The following ICA1L variants were observed in gnomAD, a reference collection of about 807,000 sequenced individuals.
ICA1L encodes islet cell autoantigen 1 like, also known as islet cell autoantigen 1-like protein.
In ICA1L, 50 loss-of-function variants were observed where a neutral mutation model predicts 61.3. That is an observed-to-expected ratio of 0.82 (90% CI 0.65 to 1.03). The LOEUF (loss-of-function observed/expected upper bound fraction) is 1.03. Ranked by LOEUF, ICA1L falls within the 50% of genes least tolerant of loss-of-function variation. ICA1L has a pLI of 0.00. For missense variants in ICA1L, 508 were observed against 556.7 expected (o/e 0.91, Z 0.88); for synonymous variants, 161 against 191.3 (o/e 0.84, Z 1.31).
rs57535958 is a variant in ICA1L, at chr2:202,839,558, C to CTGTGTGTG, written c.-7-10550_-7-10543dup. On this transcript the variant is annotated intron_variant, in intron 1 of 12. Coordinates refer to ENST00000358299, the MANE Select transcript of ICA1L (RefSeq NM_001288622.3). ...TCTTCCAGGCAGCATACAGTTAAGT[C>CTGTGTGTG]TGTGTGTGTGTGTGTGTGTGTGTGT... is the stretch of plus-strand genomic sequence containing the variant. 9.6e-3 allele frequency among the ~76,000 whole-genome samples: 1,101 copies of CTGTGTGTG among 114,386 alleles called. 14 individuals carry two copies. The highest frequency in any genetic ancestry group is 0.029 in the African/African-American group (754 of 26,268). 75.0% of individuals were successfully genotyped at this position (114,386 alleles called of 152,430 possible). A position where few individuals can be genotyped will look rare whatever the true frequency, so the allele number is the denominator to read the frequency against.
In ICA1L at chr2:202,779,325, C is replaced by T; in HGVS notation, c.*208G>A. Reference sequence around the variant, plus strand: ...ACATAGAAGTTTCTAATATTTTCCACATAGTACCAACAGCTGCAAATCCAA... The same window carrying T: ...ACATAGAAGTTTCTAATATTTTCCATATAGTACCAACAGCTGCAAATCCAA... On this transcript the variant is annotated 3_prime_UTR_variant, in exon 13 of 13. Coordinates refer to ENST00000358299, the MANE Select transcript of ICA1L (RefSeq NM_001288622.3). 2.4e-6 allele frequency: 1 copy of T among 417,760 alleles called. No homozygotes were observed. The highest frequency in any genetic ancestry group is 9.1e-5 in the South Asian group (1 of 11,002). 25.9% of individuals were successfully genotyped at this position (417,760 alleles called of 1,614,324 possible).
In ICA1L at chr2:202,788,814, T is replaced by C; in HGVS notation, c.1243+16A>G. The C allele has an allele frequency of 6.2e-7, 1 of 1,613,470 alleles. No individual in the cohort carries two copies. Among genetic ancestry groups the C allele is most frequent in the Non-Finnish European group, 8.5e-7 (1 of 1,179,760 alleles). On this transcript the variant is annotated intron_variant, in intron 11 of 12. Transcript: ENST00000358299. ...AAAGTAAAGCACATATGTCCAAATG[T>C]TTCATAGACACTTACTGTTGAACGC...
intron 8 of ICA1L, 30 bp downstream of exon 8, chr2:202,814,672 A>G (rs565010400): frequency 6.1e-6 from 9 of 1,472,132 alleles, no homozygotes; most frequent in African/African-American, 5.6e-5. Context: ...GACTTCTATA[A>G]CATGACACAG....
intron 1 of ICA1L, among the ~76,000 whole-genome samples, chr2:202,848,235 T>C (rs1345876523): frequency 6.6e-6 from 1 of 152,174 alleles, no homozygotes; most frequent in East Asian, 1.9e-4. Flanking sequence ...AGTGCTAGGA[T>C]TACAGGCGTG....
intron 1 of ICA1L, among the ~76,000 whole-genome samples, chr2:202,854,754 G>A (rs1451017546): frequency 6.6e-6 from 1 of 152,222 alleles, no homozygotes; most frequent in Non-Finnish European, 1.5e-5. Flanking sequence ...GAGGCCGGGT[G>A]CAGTGGCTCA....
intron 1 of ICA1L, among the ~76,000 whole-genome samples, chr2:202,836,147 C>T (rs72932791): frequency 0.089 from 13,572 of 152,186 alleles, 742 homozygotes; most frequent in Non-Finnish European, 0.12. Flanking sequence ...ATGTTAGCTA[C>T]GGGCTTGTCA....
At chr2:202,850,129 C>T (rs1694578850) in intron 1 of ICA1L, among the ~76,000 whole-genome samples, 1 of 152,038 alleles carries the variant, frequency 6.6e-6, no homozygotes, top group African/African-American at 2.4e-5. Context: ...TACAAAAACC[C>T]CATCCAAAGG....
chr2:202,841,102 G>A, intron 1 of ICA1L: 2 of 635,708 alleles, frequency 3.1e-6, no homozygotes, highest in African/African-American at 1.8e-5. Flanking sequence ...TCTTCATACA[G>A]CTGCCCGAGG....
In ICA1L at chr2:202,804,943, T is replaced by C. The variant is rs547628757; in HGVS notation, c.910+6803A>G. ...TGGTCATGAGTCATGGAAGATGGAATGAAAATTTTTAAATAACTGAAATTG... is the reference window on the plus strand; with the variant it reads ...TGGTCATGAGTCATGGAAGATGGAACGAAAATTTTTAAATAACTGAAATTG... On this transcript the variant is annotated intron_variant, in intron 9 of 12. Coordinates refer to ENST00000358299, the MANE Select transcript of ICA1L (RefSeq NM_001288622.3). 2.0e-5 allele frequency among the ~76,000 whole-genome samples: 3 copies of C among 152,312 alleles called. No individual in the cohort carries two copies. In the South Asian group the frequency reaches 6.2e-4, roughly 32 times the overall value.
rs201299989 is a variant in ICA1L at position 202,805,875 on chromosome 2, T to TA, written c.910+5870dup. On this transcript the variant is annotated intron_variant, in intron 9 of 12. Coordinates refer to ENST00000358299, the MANE Select transcript of ICA1L (RefSeq NM_001288622.3). Reference sequence around the variant, plus strand: ...TGTTCGTTATATTTCCTTTGTGACTTAAAAAAAAGTTCTGTATTTGTGGGG... The same window carrying TA: ...TGTTCGTTATATTTCCTTTGTGACTTAAAAAAAAAGTTCTGTATTTGTGGGG... 4.7e-3 allele frequency among the ~76,000 whole-genome samples: 721 copies of TA among 152,088 alleles called. 1 individual carries two copies. Among genetic ancestry groups the TA allele is most frequent in the Non-Finnish European group, 7.9e-3 (540 of 67,960 alleles).
At chr2:202,861,939 CTTTTTTT>C (rs144579510) in intron 1 of ICA1L, among the ~76,000 whole-genome samples, 3 of 123,022 alleles carry the variant, frequency 2.4e-5, no homozygotes, top group Non-Finnish European at 5.0e-5. Flanking sequence ...AAGCCTCCGC[CTTTTTTT>C]TTTTTTTTTT....
chr2:202,779,576 G>T lies in ICA1L; in HGVS notation c.1406C>A (p.Pro469Gln). The part of the protein sequence containing the change: ...LFADLDPLSN[P>Q]DAIGHSDDEL... ...ATCATCTGAGTGTCCAATAGCATCT[G>T]GGTTTGAAAGTGGATCCAAGTCTGC... is the stretch of plus-strand genomic sequence containing the variant. Residue 469 changes from proline (P) to glutamine (Q), a missense_variant, in exon 13 of 13, where the codon CCA becomes CAA. Physicochemically the swap from Pro to Gln is moderately conservative, Grantham distance 76 (BLOSUM62 -1). Coordinates refer to ENST00000358299, the MANE Select transcript of ICA1L (RefSeq NM_001288622.3). The T allele has an allele frequency of 6.2e-7, 1 of 1,613,356 alleles. No homozygotes were observed. Among genetic ancestry groups the T allele is most frequent in the Non-Finnish European group, 8.5e-7 (1 of 1,179,588 alleles).
chr2:202,813,123 A>G (rs1000442231), intron 8 of ICA1L, among the ~76,000 whole-genome samples: 4 of 151,702 alleles, frequency 2.6e-5, no homozygotes, highest in African/African-American at 9.7e-5. Context: ...AGCTGGGCTT[A>G]GTAGTGCATG....
Position 202,779,524 on chromosome 2 carries a change from T to A in ICA1L, c.*9A>T, listed in dbSNP as rs1208416109. ...TCTCAAGGCCACTGAAGTGACATTATAACTTCAGTCAAGCATTAAGAAGTT... is the reference window on the plus strand; with the variant it reads ...TCTCAAGGCCACTGAAGTGACATTAAAACTTCAGTCAAGCATTAAGAAGTT... On this transcript the variant is annotated 3_prime_UTR_variant, in exon 13 of 13. Coordinates refer to ENST00000358299, the MANE Select transcript of ICA1L (RefSeq NM_001288622.3). 6.6e-6 allele frequency: 10 copies of A among 1,522,954 alleles called. No individual in the cohort carries two copies. The highest frequency in any genetic ancestry group is 9.1e-6 in the Non-Finnish European group (10 of 1,102,070). 94.3% of individuals were successfully genotyped at this position (1,522,954 alleles called of 1,614,324 possible).
chr2:202,867,586 A>G (rs1280510901), intron 1 of ICA1L, among the ~76,000 whole-genome samples: 1 of 152,242 alleles, frequency 6.6e-6, no homozygotes, highest in Non-Finnish European at 1.5e-5. Context: ...ACCTTTATGC[A>G]GTATATGACT....
At chr2:202,809,992 G>T (rs922769286) in intron 9 of ICA1L, among the ~76,000 whole-genome samples, 1 of 152,122 alleles carries the variant, frequency 6.6e-6, no homozygotes, top group African/African-American at 2.4e-5. Flanking sequence ...GTACAGGAAG[G>T]TTATAGAATA....
At chr2:202,829,353 A>C in intron 1 of ICA1L, 1 of 161,884 alleles carries the variant, frequency 6.2e-6, no homozygotes, top group Non-Finnish European at 1.3e-5. Flanking sequence ...CCGTCTCAAA[A>C]ACAAAAACAA....
chr2:202,865,165 A>T (rs529892623), intron 1 of ICA1L, among the ~76,000 whole-genome samples: 44 of 145,264 alleles, frequency 3.0e-4, no homozygotes, highest in African/African-American at 7.6e-4. Context: ...TCTGTCTTTT[A>T]AAAAAAAAAA....
Position 202,774,249 on chromosome 2 carries a change from TGTCGGCCAAAG to T in ICA1L, c.*5273_*5283del. 1 of 1,546,332 alleles carries T rather than the reference TGTCGGCCAAAG, an allele frequency of 6.5e-7. No homozygotes were observed. Among genetic ancestry groups the T allele is most frequent in the East Asian group, 2.4e-5 (1 of 40,886 alleles). ...GGCGGCTCCTGAGTCTTCTCGCTCC[TGTCGGCCAAAG>T]GCCGTGACCCCGACGCGTGCAGGCA... On this transcript the variant is annotated 3_prime_UTR_variant, in exon 13 of 13. Coordinates refer to ENST00000358299, the MANE Select transcript of ICA1L (RefSeq NM_001288622.3).
Sources: allele counts gnomAD v4.1 joint callset (sites outside exome capture counted in the v4.1 genomes callset), GRCh38; gene constraint gnomAD v4.1.1; transcripts MANE v1.5; gene names NCBI Gene and HGNC (gene_info 2026-07-23, HGNC 2026-07-21).